The following MFAP5 variants were observed in gnomAD, a reference collection of about 807,000 sequenced individuals.
The protein encoded by MFAP5 is microfibril associated protein 5, also known as microfibrillar-associated protein 5.
In MFAP5, 19 loss-of-function variants were observed where a neutral mutation model predicts 30.1. That is an observed-to-expected ratio of 0.63 (90% CI 0.44 to 0.93). The LOEUF (loss-of-function observed/expected upper bound fraction) is 0.93. Ranked by LOEUF, MFAP5 falls within the 40% of genes least tolerant of loss-of-function variation. The probability of loss-of-function intolerance (pLI) is 0.00; values close to 1 mark genes in which losing one functional copy is unlikely to be tolerated. For missense variants in MFAP5, 210 were observed against 221.3 expected (o/e 0.95, Z 0.32); for synonymous variants, 92 against 72.9 (o/e 1.26, Z -1.33).
intron 5 of MFAP5, among the ~76,000 whole-genome samples, chr12:8,654,850 A>G (rs1941939526): frequency 6.6e-6 from 1 of 151,300 alleles, no homozygotes; most frequent in Non-Finnish European, 1.5e-5. Context: ...CTGAGGCAGG[A>G]GAATCACTTG....
chr12:8,651,091 T>A (rs1030170935), intron 7 of MFAP5, among the ~76,000 whole-genome samples: 5 of 151,934 alleles, frequency 3.3e-5, no homozygotes, highest in African/African-American at 1.2e-4. Context: ...CACTTCAACC[T>A]GGGAGGCGGA....
rs761322383 is a variant in MFAP5 at position 8,654,479 on chromosome 12, AAACTGAAAAGGCAC to A, written c.173-12_174del. ...GGTGCAATATCAGCCAAAACAGCCA[AAACTGAAAAGGCAC>A]AAAACAGCAGGTATGAGGAGGGCTT... On this transcript the variant is annotated splice_acceptor_variant and splice_polypyrimidine_tract_variant and coding_sequence_variant and intron_variant, in exon 6 of 10. Coordinates refer to ENST00000359478, the MANE Select transcript of MFAP5 (RefSeq NM_003480.4). LOFTEE classifies it high-confidence loss of function. The A allele has an allele frequency of 6.2e-7, 1 of 1,603,964 alleles. No individual in the cohort carries two copies. Among genetic ancestry groups the A allele is most frequent in the Admixed American group, 1.7e-5 (1 of 58,420 alleles).
intron 7 of MFAP5, 71 bp downstream of exon 7, chr12:8,651,591 A>G (rs775148790): frequency 1.4e-6 from 2 of 1,464,878 alleles, no homozygotes; most frequent in East Asian, 2.3e-5. Context: ...AGTACCCTCC[A>G]AAGAACAAGG....
Position 8,646,440 on chromosome 12 carries a change from A to G in MFAP5, c.*1651T>C, listed in dbSNP as rs1367791107. 2 of 152,172 alleles carry G rather than the reference A, an allele frequency of 1.3e-5. No homozygotes were observed. The highest frequency in any genetic ancestry group is 2.1e-4 in the South Asian group (1 of 4,834). 9.4% of individuals were successfully genotyped at this position (152,172 alleles called of 1,614,324 possible). On this transcript the variant is annotated 3_prime_UTR_variant, in exon 10 of 10. Coordinates refer to ENST00000359478, the MANE Select transcript of MFAP5 (RefSeq NM_003480.4). ...TTGAGTTAGTCAGACAGAAGGATTC[A>G]TGATATATAATTTGTCATTTGTTAT...
intron 2 of MFAP5, among the ~76,000 whole-genome samples, chr12:8,661,103 T>C (rs1295756146): frequency 6.6e-6 from 1 of 152,090 alleles, no homozygotes; most frequent in Non-Finnish European, 1.5e-5. Context: ...AAAGACAAGT[T>C]CCTTCACTGC....
At chr12:8,659,351 C>T (rs772575907) in intron 3 of MFAP5, among the ~76,000 whole-genome samples, 2 of 151,926 alleles carry the variant, frequency 1.3e-5, no homozygotes, top group Non-Finnish European at 2.9e-5. Context: ...ATTGCCCAGG[C>T]TGATCTCAAA....
chr12:8,651,942 G>A (rs563823624), intron 6 of MFAP5, among the ~76,000 whole-genome samples: 1 of 152,252 alleles, frequency 6.6e-6, no homozygotes, highest in Admixed American at 6.5e-5. Context: ...GAAATTCATT[G>A]TATTGTGAGT....
chr12:8,661,964 G>A (rs1942163364), intron 2 of MFAP5, 83 bp downstream of exon 2: 8 of 1,300,424 alleles, frequency 6.2e-6, no homozygotes, highest in African/African-American at 1.5e-5. Flanking sequence ...ATTCCTCTTC[G>A]ACCTCATTCC....
At chr12:8,661,109 A>C (rs1366146550) in intron 2 of MFAP5, among the ~76,000 whole-genome samples, 1 of 152,114 alleles carries the variant, frequency 6.6e-6, no homozygotes, top group Non-Finnish European at 1.5e-5. Flanking sequence ...AAGTTCCTTC[A>C]CTGCTGTGCA....
intron 6 of MFAP5, 141 bp downstream of exon 6, chr12:8,654,296 T>C (rs1488214893): frequency 1.4e-6 from 1 of 738,638 alleles, no homozygotes; most frequent in Admixed American, 3.1e-5. Flanking sequence ...TTAATTTGAA[T>C]TGAACTACTG....
At chr12:8,648,501 C>T (rs1162944778) in intron 9 of MFAP5, 1 of 1,295,338 alleles carries the variant, frequency 7.7e-7, no homozygotes, top group Non-Finnish European at 1.0e-6. Context: ...CACAGGTGAG[C>T]AGTAAATGTT....
intron 3 of MFAP5, among the ~76,000 whole-genome samples, chr12:8,657,301 C>T (rs930211882): frequency 6.6e-6 from 1 of 151,962 alleles, no homozygotes; most frequent in African/African-American, 2.4e-5. Context: ...CGCCTGTAAT[C>T]CCAGCTACTC....
intron 3 of MFAP5, among the ~76,000 whole-genome samples, chr12:8,656,977 A>C (rs1208616017): frequency 1.3e-5 from 2 of 152,004 alleles, no homozygotes; most frequent in Non-Finnish European, 2.9e-5. Flanking sequence ...CTGTTTGCTA[A>C]ATATTTAAAT....
chr12:8,648,609 T>C (rs1002807731), intron 9 of MFAP5: 1 of 1,083,120 alleles, frequency 9.2e-7, no homozygotes, highest in Non-Finnish European at 1.2e-6. Flanking sequence ...ACGTGCTTAC[T>C]ATGGGCAAAC....
intron 7 of MFAP5, 87 bp downstream of exon 7, chr12:8,651,575 G>A (rs1207285487): frequency 3.9e-6 from 5 of 1,289,752 alleles, no homozygotes; most frequent in African/African-American, 1.5e-5. Context: ...ACTAGAAGAT[G>A]TGCCAAGTAC....
At chr12:8,650,452 C>T in intron 8 of MFAP5, 50 bp downstream of exon 8, 1 of 1,573,110 alleles carries the variant, frequency 6.4e-7, no homozygotes, top group Non-Finnish European at 8.7e-7. Flanking sequence ...GTTATCAACA[C>T]AGAAACACTA....
At chr12:8,651,808 A>C in intron 6 of MFAP5, 117 bp from the exon 7 acceptor site, 1 of 887,470 alleles carries the variant, frequency 1.1e-6, no homozygotes, top group South Asian at 1.4e-5. Flanking sequence ...GAGCAAATGA[A>C]TTAATAACTC....
At chr12:8,651,778 T>C (rs892451117) in intron 6 of MFAP5, 87 bp from the exon 7 acceptor site, 9 of 1,215,368 alleles carry the variant, frequency 7.4e-6, no homozygotes, top group East Asian at 4.7e-5. Context: ...TAGGACCTGC[T>C]TGGAGTGCCC....
rs1158946159 is a variant in MFAP5, at chr12:8,651,631, G to T, written c.247+31C>A. ...AAGGAATCCACAGGAAGAAAAAAAG[G>T]CTTAAGAAGGCATGCAAGCAACAAT... On this transcript the variant is annotated intron_variant, in intron 7 of 9. Coordinates refer to ENST00000359478, the MANE Select transcript of MFAP5 (RefSeq NM_003480.4). 7 of 1,610,880 alleles carry T rather than the reference G, an allele frequency of 4.3e-6. No homozygotes were observed. In the Admixed American group the frequency reaches 1.0e-4, roughly 23 times the overall value.
Sources: allele counts gnomAD v4.1 joint callset (sites outside exome capture counted in the v4.1 genomes callset), GRCh38; gene constraint gnomAD v4.1.1; transcripts MANE v1.5; gene names NCBI Gene and HGNC (gene_info 2026-07-23, HGNC 2026-07-21).